Variants in CHRM3 observed in about 807,000 individuals in gnomAD.
The protein encoded by CHRM3 is cholinergic receptor muscarinic 3.
CHRM3 carries 11 observed loss-of-function variants against 41.8 expected under a neutral mutation model. The observed-to-expected ratio is 0.26, with a 90% CI of 0.17 to 0.44. The LOEUF (loss-of-function observed/expected upper bound fraction) is 0.44, where lower values mean the gene tolerates loss of function less well. Among genes scored for constraint, CHRM3 ranks in the 20% least tolerant of loss-of-function variants. The pLI, the probability that CHRM3 is intolerant of heterozygous loss-of-function variation, is 1.00. For synonymous variants in CHRM3, 297 were observed against 301.4 expected (o/e 0.99, Z 0.15); for missense variants, 571 against 745.4 (o/e 0.77, Z 2.72).
At chr1:239,652,407 T>A (rs1672321154) in intron 4 of CHRM3, among the ~76,000 whole-genome samples, 5 of 152,240 alleles carry the variant, frequency 3.3e-5, no homozygotes, top group Admixed American at 2.0e-4. Flanking sequence ...TTTCCTCACC[T>A]GTGTGATATA....
intron 2 of CHRM3, among the ~76,000 whole-genome samples, chr1:239,529,043 C>G (rs1670190712): frequency 6.6e-6 from 1 of 152,148 alleles, no homozygotes; most frequent in Non-Finnish European, 1.5e-5. Context: ...TGTTTCCTCC[C>G]ATTTCCTTCA....
At chr1:239,494,236 G>A (rs1667738113) in intron 2 of CHRM3, among the ~76,000 whole-genome samples, 1 of 152,086 alleles carries the variant, frequency 6.6e-6, no homozygotes, top group Non-Finnish European at 1.5e-5. Context: ...TAGTGGGAAT[G>A]TTTTATGCTA....
At chr1:239,620,074 C>A (rs1228177484) in intron 3 of CHRM3, among the ~76,000 whole-genome samples, 1 of 151,998 alleles carries the variant, frequency 6.6e-6, no homozygotes, top group Non-Finnish European at 1.5e-5. Context: ...TACAGGAAAC[C>A]ATTTGGTGAG....
chr1:239,533,687 G>T (rs1657893547), intron 2 of CHRM3, among the ~76,000 whole-genome samples: 1 of 138,616 alleles, frequency 7.2e-6, no homozygotes, highest in Non-Finnish European at 1.5e-5. Context: ...GCCGAGATTG[G>T]ACCATTGCAC....
chr1:239,746,336 A>G (rs2148538955), intron 5 of CHRM3, among the ~76,000 whole-genome samples: 1 of 152,320 alleles, frequency 6.6e-6, no homozygotes, highest in Middle Eastern at 3.4e-3. Flanking sequence ...ATGAGTTTTC[A>G]TTTAATTTTT....
intron 1 of CHRM3, among the ~76,000 whole-genome samples, chr1:239,413,830 CAT>C (rs1237470429): frequency 6.6e-6 from 1 of 152,128 alleles, no homozygotes; most frequent in Non-Finnish European, 1.5e-5. Context: ...GCGGTGTGCA[CAT>C]ATGTGCACGT....
intron 5 of CHRM3, chr1:239,704,287 G>A (rs1241789935): frequency 6.6e-6 from 1 of 152,152 alleles, no homozygotes; most frequent in African/African-American, 2.4e-5. Flanking sequence ...GTGGAATAAA[G>A]CAATGTTGAG....
At chr1:239,900,045 G>A (rs1213946464) in intron 6 of CHRM3, among the ~76,000 whole-genome samples, 1 of 152,144 alleles carries the variant, frequency 6.6e-6, no homozygotes, top group Non-Finnish European at 1.5e-5. Flanking sequence ...TTATTCCTGA[G>A]CATTACAAGG....
chr1:239,655,412 C>T (rs1672623531), intron 4 of CHRM3, among the ~76,000 whole-genome samples: 1 of 152,166 alleles, frequency 6.6e-6, no homozygotes, highest in African/African-American at 2.4e-5. Flanking sequence ...CTTCTTTGAC[C>T]TCCTGGACTG....
At position 239,387,108 on chromosome 1, in the gene CHRM3, G is replaced by A. The variant is rs1217096851; in HGVS notation, c.-640G>A. 6.6e-6 allele frequency: 1 copy of A among 152,166 alleles called. No individual in the cohort carries two copies. The highest frequency in any genetic ancestry group is 1.5e-5 in the Non-Finnish European group (1 of 68,080). The allele number at this position is 152,166 out of a possible 1,614,324, so 9.4% of individuals were successfully genotyped here. On this transcript the variant is annotated 5_prime_UTR_variant, in exon 1 of 7. Coordinates refer to ENST00000676153, the MANE Select transcript of CHRM3 (RefSeq NM_001375978.1). This position sits in a 1 kb window ranked among gnomAD's most constrained non-coding sequence, Gnocchi z 5.1. ...CCGGGCAGGGGGGCACGATCTTAAG[G>A]ACAGTCGCTCCCTGAACGCGGAGCC...
At chr1:239,409,349 T>C (rs567998428) in intron 1 of CHRM3, among the ~76,000 whole-genome samples, 1 of 152,186 alleles carries the variant, frequency 6.6e-6, no homozygotes, top group Non-Finnish European at 1.5e-5. Flanking sequence ...CCTAATACTG[T>C]AAATTGTATT....
chr1:239,618,598 A>C (rs903796330), intron 3 of CHRM3, among the ~76,000 whole-genome samples: 1 of 151,826 alleles, frequency 6.6e-6, no homozygotes, highest in Admixed American at 6.5e-5. Flanking sequence ...TAATCCCAGC[A>C]CTTTGGGAGG....
At chr1:239,561,950 C>A (rs1041992356) in intron 3 of CHRM3, among the ~76,000 whole-genome samples, 5 of 152,092 alleles carry the variant, frequency 3.3e-5, no homozygotes, top group Non-Finnish European at 1.5e-5. Flanking sequence ...CCATCTCCAT[C>A]CTTCCAAGAT....
Position 239,610,140 on chromosome 1 carries a change from T to C in CHRM3, c.-312-22084T>C, listed in dbSNP as rs189225559. Among the ~76,000 whole-genome samples the C allele has an allele frequency of 8.0e-4, 100 of 124,774 alleles. No individual in the cohort carries two copies. The East Asian group carries it at 0.011, about 13-fold the overall frequency. 81.9% of individuals were successfully genotyped at this position (124,774 alleles called of 152,430 possible). The stretch of plus-strand genomic sequence containing the variant: ...CCTGGGAGGCGGGGCTTGCAGTGAG[T>C]GGAGATCACGCCACTGCACTCCAGC... On this transcript the variant is annotated intron_variant, in intron 3 of 6. Transcript: ENST00000676153.
intron 3 of CHRM3, among the ~76,000 whole-genome samples, chr1:239,599,428 GT>G (rs34882749): frequency 0.45 from 62,479 of 138,206 alleles, 13,713 homozygotes; most frequent in Middle Eastern, 0.56. Context: ...TCTGTTTACT[GT>G]TTTTTTTTTT....
chr1:239,652,886 A>G (rs1412199377), intron 4 of CHRM3, among the ~76,000 whole-genome samples: 2 of 152,246 alleles, frequency 1.3e-5, no homozygotes, highest in Non-Finnish European at 2.9e-5. Flanking sequence ...ACTATTTTGT[A>G]GAAGTTAAGA....
At chr1:239,722,390 T>G (rs1383730173) in intron 5 of CHRM3, among the ~76,000 whole-genome samples, 1 of 151,944 alleles carries the variant, frequency 6.6e-6, no homozygotes, top group Non-Finnish European at 1.5e-5. Flanking sequence ...ATATTATTGC[T>G]GTCTCCTCCC....
chr1:239,878,771 G>C (rs956426203), intron 6 of CHRM3, among the ~76,000 whole-genome samples: 2 of 152,060 alleles, frequency 1.3e-5, no homozygotes, highest in African/African-American at 4.8e-5. Context: ...TGTTAAGGGA[G>C]GTGAGAATCA....
At chr1:239,421,982 C>T (rs1661990064) in intron 1 of CHRM3, among the ~76,000 whole-genome samples, 1 of 152,112 alleles carries the variant, frequency 6.6e-6, no homozygotes, top group African/African-American at 2.4e-5. Flanking sequence ...CAATTATGCT[C>T]TTTAGATGAT....
Sources: allele counts gnomAD v4.1 joint callset (sites outside exome capture counted in the v4.1 genomes callset), GRCh38; gene constraint gnomAD v4.1.1; non-coding constraint Gnocchi (gnomAD v3.1); transcripts MANE v1.5; gene names NCBI Gene and HGNC (gene_info 2026-07-23, HGNC 2026-07-21).